Variants in MED12 observed in about 807,000 individuals in gnomAD.
MED12 encodes mediator complex subunit 12.
A neutral mutation model predicts 177.7 loss-of-function variants in MED12; 10 were observed. The observed-to-expected ratio is 0.06, with a 90% CI of 0.03 to 0.10. The LOEUF (loss-of-function observed/expected upper bound fraction) is 0.10. Among genes scored for constraint, MED12 ranks in the 10% least tolerant of loss-of-function variants. The probability of loss-of-function intolerance (pLI) is 1.00; values close to 1 mark genes in which losing one functional copy is unlikely to be tolerated. For missense variants in MED12, 867 were observed against 1,780.8 expected (o/e 0.49, Z 9.23); for synonymous variants, 641 against 678.4 (o/e 0.94, Z 0.86).
rs1292888378 is a variant in MED12, at chrX:71,122,864, A to G, written c.1475A>G (p.Asp492Gly). Residue 492 changes from aspartate to glycine, a missense_variant, in exon 10 of 45, where the codon GAT becomes GGT. Asp to Gly is a moderately conservative substitution (Grantham distance 94). Transcript: ENST00000374080. ...ATCTTTGGATTGGGACCTAGCAAGG[A>G]TGGGCATGAGGTAAGCGAAAAGGGG... ...NRIFGLGPSK[D>G]GHEISSDDDA... is the part of the protein sequence containing the mutation. 1.7e-6 allele frequency: 2 copies of G among 1,211,638 alleles called. No individual in the cohort carries two copies. The highest frequency in any genetic ancestry group is 2.2e-6 in the Non-Finnish European group (2 of 895,253).
intron 44 of MED12, 76 bp downstream of exon 44, chrX:71,142,040 C>G (rs989136270): frequency 3.4e-5 from 38 of 1,126,754 alleles, no homozygotes; most frequent in Non-Finnish European, 4.4e-5. Flanking sequence ...GTAGCTGAAA[C>G]GATAGCTTCA....
intron 41 of MED12, among the ~76,000 whole-genome samples, chrX:71,138,336 A>G (rs1047860057): frequency 3.6e-5 from 4 of 109,973 alleles, no homozygotes; most frequent in Admixed American, 9.7e-5. Context: ...AAAAATACAT[A>G]TTTTTTTGAA....
chrX:71,142,371 A>G lies in MED12; in HGVS notation c.*153A>G. The G allele has an allele frequency of 3.7e-6, 2 of 534,316 alleles. No homozygotes were observed. The highest frequency in any genetic ancestry group is 6.2e-6 in the Non-Finnish European group (2 of 321,642). 44.0% of individuals were successfully genotyped at this position (534,316 alleles called of 1,213,427 possible). On this transcript the variant is annotated 3_prime_UTR_variant, in exon 45 of 45. Transcript: ENST00000374080. ...TTTAGTATTTTTGTTAATGTGAGGC[A>G]TTGAGCTGTTGGGTTTTGTATATTA...
chrX:71,118,933 G>C, intron 1 of MED12, 80 bp downstream of exon 1: 1 of 910,058 alleles, frequency 1.1e-6, no homozygotes, highest in Non-Finnish European at 1.6e-6. Flanking sequence ...CTGGGAATGG[G>C]GGGCGGGGCG....
Position 71,125,060 on chromosome X carries a change from C to A in MED12, c.2140C>A (p.Pro714Thr), listed in dbSNP as rs1487824889. The change falls in exon 15 of 45, where the codon CCC becomes ACC. Residue 714 changes from proline to threonine, a missense_variant. Around this residue, in one of 14 missense-constraint regions of MED12, gnomAD observed 309 missense variants for 556.3 expected, o/e 0.56. Coordinates refer to ENST00000374080, the MANE Select transcript of MED12 (RefSeq NM_005120.3). ...TGTCGAGAAGGAGGTGAAGCCCCCA[C>A]CCAAGGAGAAGATTGAAGGGACCCT... is the stretch of plus-strand genomic sequence containing the variant. ...PDVEKEVKPP[P>T]KEKIEGTLGV... 8.3e-7 allele frequency: 1 copy of A among 1,210,994 alleles called. No homozygotes were observed. The highest frequency in any genetic ancestry group is 3.0e-5 in the East Asian group (1 of 33,820).
At chrX:71,135,887 C>G (rs2092330980) in intron 36 of MED12, among the ~76,000 whole-genome samples, 1 of 109,706 alleles carries the variant, frequency 9.1e-6, no homozygotes, top group South Asian at 3.9e-4. Context: ...AGAGTCTCTC[C>G]CTGCCTTCCT....
At position 71,137,013 on chromosome X, in the gene MED12, C is replaced by T. The variant is rs34784349; in HGVS notation, c.5535C>T (p.Asn1845=). The T allele has an allele frequency of 6.3e-3, 7,562 of 1,193,745 alleles. 420 individuals carry two copies. The Admixed American group carries it at 0.14, about 23-fold the overall frequency. Residue 1845 remains asparagine (N), a synonymous_variant, in exon 38 of 45, where the codon AAC becomes AAT. Coordinates refer to ENST00000374080, the MANE Select transcript of MED12 (RefSeq NM_005120.3). ...GCTCCATAGGCCTGTACACCCAGAA[C>T]CAGCCACTACCTGCAGGTGAGTGCC... ...RQGSIGLYTQ[N]QPLPAGGPRV...
At chrX:71,131,955 T>G (rs984549308) in intron 29 of MED12, 118 bp from the exon 30 acceptor site, 2 of 662,375 alleles carry the variant, frequency 3.0e-6, no homozygotes, top group African/African-American at 4.3e-5. Flanking sequence ...CGTTCCTATC[T>G]CCCCATCAAT....
chrX:71,127,642 G>T lies in MED12; in HGVS notation c.2981+175G>T, dbSNP rs1008143795. 1.2e-5 allele frequency: 6 copies of T among 494,092 alleles called. No homozygotes were observed. The Admixed American group carries it at 1.9e-4, about 16-fold the overall frequency. The allele number at this position is 494,092 out of a possible 1,213,427, so 40.7% of individuals were successfully genotyped here. On this transcript the variant is annotated intron_variant, in intron 21 of 44. Transcript: ENST00000374080. The stretch of plus-strand genomic sequence containing the variant: ...AAGAGTGGGCCCTCTTCCTCAGCAG[G>T]CTTGCTCCCCGCCTATATCTGTGGG...
At chrX:71,123,945 C>G (rs1361012135) in intron 12 of MED12, among the ~76,000 whole-genome samples, 1 of 112,616 alleles carries the variant, frequency 8.9e-6, no homozygotes, top group Non-Finnish European at 1.9e-5. Context: ...GTGATTGAAG[C>G]ATTTTCACTG....
At chrX:71,140,194 C>T (rs1277032114) in intron 41 of MED12, among the ~76,000 whole-genome samples, 2 of 105,339 alleles carry the variant, frequency 1.9e-5, no homozygotes, top group East Asian at 6.1e-4. Flanking sequence ...ATTCTCCTGC[C>T]TCAGCCTCCT....
At chrX:71,124,029 AC>A (rs1201575111) in intron 12 of MED12, 129 bp from the exon 13 acceptor site, 5 of 597,593 alleles carry the variant, frequency 8.4e-6, no homozygotes, top group Non-Finnish European at 8.4e-6. Context: ...AACCAACCAC[AC>A]TTTGTCCCTC....
rs2092308440 is a variant in MED12, at chrX:71,128,383, G to A, written c.3297G>A (p.Leu1099=). ...SAEWLGVLKA[L]CCSSNNGTCG... is the part of the protein sequence containing the mutation. ...AATGGCTAGGAGTGCTTAAGGCCTT[G>A]TGCTGCTCCTCTAACAATGGCACTT... Residue 1099 remains leucine, a synonymous_variant, in exon 23 of 45, where the codon TTG becomes TTA. Transcript: ENST00000374080. The A allele has an allele frequency of 8.3e-7, 1 of 1,211,757 alleles. No homozygotes were observed.
intron 43 of MED12, 109 bp from the exon 44 acceptor site, chrX:71,141,774 C>A: frequency 1.4e-6 from 1 of 707,274 alleles, no homozygotes; most frequent in African/African-American, 2.1e-5. Context: ...TGCACTCCAG[C>A]CTGGGGGACA....
chrX:71,129,663 C>T lies in MED12; in HGVS notation c.3692-17C>T. 1.7e-6 allele frequency: 2 copies of T among 1,174,399 alleles called. No homozygotes were observed. Among genetic ancestry groups the T allele is most frequent in the South Asian group, 3.8e-5 (2 of 53,218 alleles). On this transcript the variant is annotated splice_polypyrimidine_tract_variant and intron_variant, in intron 26 of 44. Coordinates refer to ENST00000374080, the MANE Select transcript of MED12 (RefSeq NM_005120.3). ...AATCTCACTCTGCCCTCCCTATCTCCCACCCGTGAACCACAGGGGATGCGG... is the reference window on the plus strand; with the variant it reads ...AATCTCACTCTGCCCTCCCTATCTCTCACCCGTGAACCACAGGGGATGCGG...
rs3895088 is a variant in MED12 at position 71,141,769 on chromosome X, T to C, written c.6409-114T>C. ...GTGAGCCAAGATCATGCCACTGCAC[T>C]CCAGCCTGGGGGACAGAGCGAGACT... On this transcript the variant is annotated intron_variant, in intron 43 of 44. Coordinates refer to ENST00000374080, the MANE Select transcript of MED12 (RefSeq NM_005120.3). 54,924 of 683,696 alleles carry C rather than the reference T, an allele frequency of 0.08. 4,561 individuals are homozygous for C. The highest frequency in any genetic ancestry group is 0.34 in the African/African-American group (15,396 of 45,519). The allele number at this position is 683,696 out of a possible 1,213,427, so 56.3% of individuals were successfully genotyped here. A position where few individuals can be genotyped will look rare whatever the true frequency, so the allele number is the denominator to read the frequency against.
At chrX:71,127,739 C>T in intron 21 of MED12, 154 bp from the exon 22 acceptor site, 1 of 520,817 alleles carries the variant, frequency 1.9e-6, no homozygotes, top group Non-Finnish European at 3.3e-6. Context: ...GGTTCCTTTC[C>T]TGCCCAGTCT....
chrX:71,130,153 G>A lies in MED12; in HGVS notation c.3986G>A (p.Arg1329Gln). Reference protein sequence around the residue: ...RLMQLICYPHRLLDNEDGENP... With the variant: ...RLMQLICYPHQLLDNEDGENP... ...ATGCAGCTCATTTGCTATCCACATCGACTGCTGGACAATGAGGATGGGGAA... is the reference window on the plus strand; with the variant it reads ...ATGCAGCTCATTTGCTATCCACATCAACTGCTGGACAATGAGGATGGGGAA... The change falls in exon 28 of 45, where the codon CGA (arginine) becomes CAA (glutamine). Residue 1329 changes from arginine to glutamine, a missense_variant. This residue lies in a region of MED12 where 46 missense variants were observed against 71.7 expected (regional missense o/e 0.64). Transcript: ENST00000374080. 8.3e-7 allele frequency: 1 copy of A among 1,209,880 alleles called. No individual in the cohort carries two copies. The highest frequency in any genetic ancestry group is 3.0e-5 in the East Asian group (1 of 33,802).
chrX:71,121,622 C>T lies in MED12; in HGVS notation c.907C>T (p.Arg303Trp), dbSNP rs2147779601. 2 of 1,211,782 alleles carry T rather than the reference C, an allele frequency of 1.7e-6. No homozygotes were observed. The highest frequency in any genetic ancestry group is 2.2e-6 in the Non-Finnish European group (2 of 895,495). Residue 303 changes from arginine (R) to tryptophan (W), a missense_variant, in exon 7 of 45, where the codon CGG becomes TGG. This residue lies in a region of MED12 where 309 missense variants were observed against 556.3 expected (regional missense o/e 0.56). Transcript: ENST00000374080. ...LSRRLAYFCT[R>W]RLALQLDGVS... ...CCGCCGGCTTGCCTACTTCTGTACA[C>T]GGAGACTGGCCCTGCAGCTGGATGG... is the stretch of plus-strand genomic sequence containing the variant.
Sources: allele counts gnomAD v4.1 joint callset (sites outside exome capture counted in the v4.1 genomes callset), GRCh38; gene constraint gnomAD v4.1.1; regional missense constraint gnomAD v4.1.1; transcripts MANE v1.5; gene names NCBI Gene and HGNC (gene_info 2026-07-23, HGNC 2026-07-21).